The following DNAH3 variants were observed in gnomAD, a reference collection of about 807,000 sequenced individuals.
The protein encoded by DNAH3 is dynein axonemal heavy chain 3.
In DNAH3, 332 loss-of-function variants were observed where a neutral mutation model predicts 432.5. The ratio of observed to expected loss-of-function variants is 0.77; its 90% confidence interval spans 0.70 to 0.84. The LOEUF is 0.84. Among genes scored for constraint, DNAH3 ranks in the 40% least tolerant of loss-of-function variants. The probability of loss-of-function intolerance (pLI) is 0.00; values close to 1 mark genes in which losing one functional copy is unlikely to be tolerated. For synonymous variants in DNAH3, 1,956 were observed against 1,900.2 expected (o/e 1.03, Z -0.76); for missense variants, 4,861 against 5,114.0 (o/e 0.95, Z 1.51).
intron 7 of DNAH3, among the ~76,000 whole-genome samples, chr16:21,128,710 C>T (rs1469177972): frequency 3.4e-5 from 5 of 146,400 alleles, no homozygotes; most frequent in Admixed American, 6.8e-5. Context: ...AAAAAATAGA[C>T]GCGCTGGGTG....
chr16:20,989,028 A>G (rs1274699625), intron 44 of DNAH3, among the ~76,000 whole-genome samples: 2 of 152,180 alleles, frequency 1.3e-5, no homozygotes, highest in Non-Finnish European at 2.9e-5. Context: ...AGCAGTGTGG[A>G]CCCACAGAGT....
intron 49 of DNAH3, among the ~76,000 whole-genome samples, chr16:20,981,906 C>CT (rs1452344277): frequency 6.7e-6 from 1 of 149,836 alleles, no homozygotes; most frequent in East Asian, 1.9e-4. Flanking sequence ...AAATAAAATG[C>CT]TTTTTTTATA....
In DNAH3 at chr16:21,064,860, GGTGTGTGTGTGTGTGT is replaced by G. The variant is rs369066790; in HGVS notation, c.3519-2193_3519-2178del. 4.7e-3 allele frequency among the ~76,000 whole-genome samples: 618 copies of G among 131,780 alleles called. 2 individuals carry two copies. Among genetic ancestry groups the G allele is most frequent in the African/African-American group, 0.016 (581 of 37,064 alleles). 86.5% of individuals were successfully genotyped at this position (131,780 alleles called of 152,430 possible). On this transcript the variant is annotated intron_variant, in intron 24 of 61. Transcript: ENST00000261383. ...ATAAAAATGCATAAATATTGAGGTA[GGTGTGTGTGTGTGTGT>G]GTGTGTGTGTGTGTGTGTGTGTGTG...
chr16:21,075,685 G>T, intron 20 of DNAH3, 124 bp from the exon 21 acceptor site: 1 of 748,628 alleles, frequency 1.3e-6, no homozygotes, highest in Non-Finnish European at 2.3e-6. Flanking sequence ...GGCCGAGGAG[G>T]GAAGATTGCT....
At chr16:21,035,766 T>C (rs1031026090) in intron 35 of DNAH3, among the ~76,000 whole-genome samples, 7 of 152,174 alleles carry the variant, frequency 4.6e-5, no homozygotes, top group African/African-American at 1.7e-4. Context: ...AAATGAGTTG[T>C]GTCAAAAATT....
chr16:21,080,245 C>T (rs1484239787), intron 20 of DNAH3, among the ~76,000 whole-genome samples: 4 of 151,956 alleles, frequency 2.6e-5, no homozygotes, highest in Admixed American at 6.5e-5. Flanking sequence ...TGCAGTGAGC[C>T]GAGATTGTGC....
At chr16:20,955,043 C>A (rs201222520) in exon 55 of DNAH3, 13 of 1,607,262 alleles carry the variant, frequency 8.1e-6, no homozygotes, top group Non-Finnish European at 1.1e-5. Context: ...TGATGGATAG[C>A]TGGTTAGCCA....
intron 12 of DNAH3, among the ~76,000 whole-genome samples, chr16:21,115,404 A>AG (rs2092166827): frequency 6.7e-6 from 1 of 150,320 alleles, no homozygotes; most frequent in Non-Finnish European, 1.5e-5. Context: ...AAAAAAAAAA[A>AG]GTAGAAAGAA....
At chr16:21,146,236 T>C in intron 1 of DNAH3, 148 bp from the exon 3 acceptor site, 2 of 592,300 alleles carry the variant, frequency 3.4e-6, no homozygotes, top group Non-Finnish European at 3.1e-6. Flanking sequence ...TTCCCATCCA[T>C]TATGTATGTT....
chr16:21,016,609 CA>C (rs1229586223), intron 41 of DNAH3, among the ~76,000 whole-genome samples: 2 of 152,052 alleles, frequency 1.3e-5, no homozygotes, highest in Non-Finnish European at 2.9e-5. Context: ...AGCAGTTCCT[CA>C]AAAAATTAAA....
intron 51 of DNAH3, 95 bp downstream of exon 51, chr16:20,975,138 C>A (rs2085526949): frequency 2.7e-6 from 4 of 1,466,036 alleles, no homozygotes; most frequent in African/African-American, 2.8e-5. Context: ...GCCTTGCCTA[C>A]CCTTTCTGAG....
chr16:21,020,626 G>A (rs1432436811), intron 40 of DNAH3, among the ~76,000 whole-genome samples: 1 of 150,592 alleles, frequency 6.6e-6, no homozygotes, highest in Non-Finnish European at 1.5e-5. Context: ...GACTGGTCTC[G>A]AACTCCTGAC....
chr16:21,045,935 C>CA (rs2089675735), intron 31 of DNAH3, among the ~76,000 whole-genome samples: 1 of 147,716 alleles, frequency 6.8e-6, no homozygotes, highest in South Asian at 2.2e-4. Context: ...GTTATGTACC[C>CA]AGTAGTCATT....
chr16:21,072,439 G>T (rs1298609733), intron 21 of DNAH3, among the ~76,000 whole-genome samples: 1 of 151,984 alleles, frequency 6.6e-6, no homozygotes, highest in Non-Finnish European at 1.5e-5. Flanking sequence ...TCATTCTCCT[G>T]CCTCAGCCTC....
chr16:20,994,377 G>A (rs986883886), intron 44 of DNAH3, among the ~76,000 whole-genome samples: 1 of 152,200 alleles, frequency 6.6e-6, no homozygotes, highest in African/African-American at 2.4e-5. Flanking sequence ...GTTGCAGTGA[G>A]CTGAGATCAT....
chr16:20,956,002 A>G (rs1275987180), intron 54 of DNAH3, among the ~76,000 whole-genome samples: 1 of 151,756 alleles, frequency 6.6e-6, no homozygotes, highest in Non-Finnish European at 1.5e-5. Context: ...ATCTCGGCTC[A>G]CTGCAACCTC....
intron 3 of DNAH3, among the ~76,000 whole-genome samples, chr16:21,144,883 T>C (rs2152831703): frequency 6.6e-6 from 1 of 151,958 alleles, no homozygotes; most frequent in Non-Finnish European, 1.5e-5. Context: ...TTTCGGAGGT[T>C]GAGGCAGGTG....
exon 25 of DNAH3, chr16:21,062,599 C>A (rs1449832770): frequency 3.1e-6 from 5 of 1,613,964 alleles, no homozygotes; most frequent in Non-Finnish European, 4.2e-6. Context: ...CTTCAAAGCA[C>A]TTCTTCAAGT....
At chr16:20,959,644 CACACA>C (rs2084729382) in intron 53 of DNAH3, among the ~76,000 whole-genome samples, 1 of 151,094 alleles carries the variant, frequency 6.6e-6, no homozygotes, top group African/African-American at 2.4e-5. Flanking sequence ...CACACACACA[CACACA>C]CACACACCCC....
Sources: allele counts gnomAD v4.1 joint callset (sites outside exome capture counted in the v4.1 genomes callset), GRCh38; gene constraint gnomAD v4.1.1; transcripts MANE v1.5; gene names NCBI Gene and HGNC (gene_info 2026-07-23, HGNC 2026-07-21).